Variants in CADPS2 observed in about 807,000 individuals in gnomAD.
CADPS2 encodes calcium-dependent secretion activator 2.
In CADPS2, 93 loss-of-function variants were observed where a neutral mutation model predicts 172.5. That is an observed-to-expected ratio of 0.54 (90% CI 0.46 to 0.64). CADPS2 has a LOEUF of 0.64. CADPS2 is among the 30% of genes least tolerant of loss of function. The pLI, the probability that CADPS2 is intolerant of heterozygous loss-of-function variation, is 0.00. For synonymous variants in CADPS2, 546 were observed against 555.2 expected (o/e 0.98, Z 0.23); for missense variants, 1,420 against 1,565.9 (o/e 0.91, Z 1.57).
At chr7:122,864,329 A>T (rs987019212) in intron 1 of CADPS2, among the ~76,000 whole-genome samples, 2 of 152,030 alleles carry the variant, frequency 1.3e-5, no homozygotes, top group African/African-American at 4.8e-5. Context: ...AAAAAAATAA[A>T]ATTAGCCAGG....
intron 22 of CADPS2, among the ~76,000 whole-genome samples, chr7:122,390,170 G>A (rs1296871589): frequency 2.0e-5 from 3 of 151,890 alleles, no homozygotes; most frequent in South Asian, 4.1e-4. Context: ...GAACACTCCC[G>A]TAGCACTTTA....
chr7:122,877,667 G>C (rs1342084002), intron 1 of CADPS2, among the ~76,000 whole-genome samples: 1 of 151,986 alleles, frequency 6.6e-6, no homozygotes, highest in Non-Finnish European at 1.5e-5. Context: ...TCTATATGAT[G>C]AAACCTTCAA....
At chr7:122,347,000 A>G (rs928418853) in intron 27 of CADPS2, among the ~76,000 whole-genome samples, 1 of 152,314 alleles carries the variant, frequency 6.6e-6, no homozygotes, top group East Asian at 1.9e-4. Context: ...CCAATTTGAT[A>G]GGTAGATCTA....
chr7:122,386,654 T>C (rs1024276173), intron 24 of CADPS2, among the ~76,000 whole-genome samples: 1 of 152,146 alleles, frequency 6.6e-6, no homozygotes, highest in Non-Finnish European at 1.5e-5. Flanking sequence ...TTCACACTTT[T>C]TCGTGTGTCT....
chr7:122,369,200 C>T (rs1363876899), intron 25 of CADPS2, among the ~76,000 whole-genome samples: 4 of 130,158 alleles, frequency 3.1e-5, no homozygotes, highest in South Asian at 5.1e-4. Flanking sequence ...GGCGCAATCT[C>T]GGCTCACTGC....
intron 29 of CADPS2, among the ~76,000 whole-genome samples, chr7:122,324,762 C>G (rs2033459893): frequency 6.6e-6 from 1 of 151,838 alleles, no homozygotes; most frequent in Admixed American, 6.6e-5. Flanking sequence ...AATTTCTGTC[C>G]CAATTTTAAG....
intron 16 of CADPS2, 124 bp from the exon 17 acceptor site, chr7:122,438,588 T>C: frequency 8.7e-7 from 1 of 1,146,494 alleles, no homozygotes; most frequent in Non-Finnish European, 1.2e-6. Flanking sequence ...TTGATCTGAC[T>C]ATTATTAGGG....
chr7:122,472,103 C>T (rs1217019836), intron 13 of CADPS2, among the ~76,000 whole-genome samples: 1 of 152,094 alleles, frequency 6.6e-6, no homozygotes, highest in East Asian at 1.9e-4. Flanking sequence ...AGTTTCTGTT[C>T]CTCCTGAAAT....
chr7:122,602,441 A>T (rs1183214643), intron 6 of CADPS2, among the ~76,000 whole-genome samples: 1 of 152,056 alleles, frequency 6.6e-6, no homozygotes, highest in Admixed American at 6.6e-5. Context: ...GCTATACATA[A>T]GTCACTAGCA....
chr7:122,435,614 G>C (rs1035921173), intron 17 of CADPS2, among the ~76,000 whole-genome samples: 1 of 152,060 alleles, frequency 6.6e-6, no homozygotes, highest in Non-Finnish European at 1.5e-5. Context: ...TAGTATGGAG[G>C]CTTCTGTAAA....
rs191282545 is a variant in CADPS2 at position 122,837,446 on chromosome 7, G to A, written c.339+48553C>T. ...CTAAGATCAGAGCACAACTGAAGGC[G>A]ACAGAGACACAAAAAACCCTTCCAA... On this transcript the variant is annotated intron_variant, in intron 1 of 29. Coordinates refer to ENST00000449022, the MANE Select transcript of CADPS2 (RefSeq NM_017954.11). 1.3e-3 allele frequency among the ~76,000 whole-genome samples: 195 copies of A among 152,194 alleles called. 2 individuals are homozygous for A. Among genetic ancestry groups the A allele is most frequent in the Admixed American group, 0.011 (163 of 15,270 alleles).
chr7:122,356,193 G>C (rs1585224068), intron 27 of CADPS2, among the ~76,000 whole-genome samples: 1 of 152,054 alleles, frequency 6.6e-6, no homozygotes, highest in Non-Finnish European at 1.5e-5. Context: ...GGTCTCCTTG[G>C]ACTCCTCTTG....
intron 9 of CADPS2, among the ~76,000 whole-genome samples, chr7:122,493,491 A>G (rs2058476065): frequency 6.6e-6 from 1 of 152,180 alleles, no homozygotes; most frequent in South Asian, 2.1e-4. Context: ...GTGGATTTAA[A>G]ACTGAAAATT....
intron 17 of CADPS2, chr7:122,420,817 G>C (rs1160140866): frequency 6.6e-6 from 1 of 152,160 alleles, no homozygotes; most frequent in African/African-American, 2.4e-5. Flanking sequence ...CTTTGCTCTG[G>C]AACACTTTTG....
intron 1 of CADPS2, among the ~76,000 whole-genome samples, chr7:122,859,734 C>G (rs1451403229): frequency 6.6e-6 from 1 of 151,996 alleles, no homozygotes; most frequent in Non-Finnish European, 1.5e-5. Context: ...ACGGTATTCT[C>G]CTGTATACTT....
At chr7:122,800,126 T>G (rs561209671) in intron 1 of CADPS2, among the ~76,000 whole-genome samples, 23 of 152,376 alleles carry the variant, frequency 1.5e-4, no homozygotes, top group African/African-American at 5.0e-4. Context: ...ACTAGCAAGT[T>G]CAGTGCCTGG....
chr7:122,519,863 A>ATTT (rs112530002), intron 8 of CADPS2, among the ~76,000 whole-genome samples: 1 of 151,240 alleles, frequency 6.6e-6, no homozygotes, highest in Non-Finnish European at 1.5e-5. Context: ...TGCCTAATTG[A>ATTT]TTTTTTTTTA....
In CADPS2 at chr7:122,388,675, A is replaced by G; in HGVS notation, c.3072T>C (p.Phe1024=). ...ATTCCTGTTCTGGCCAGTGCAGATC[A>G]AAGACAAACATTTGCAGTGCATCAA... ...WKLDALQMFV[F]DLHWPEQEFA... The change falls in exon 23 of 30, where the codon TTT becomes TTC. Residue 1024 remains phenylalanine, a synonymous_variant. Coordinates refer to ENST00000449022, the MANE Select transcript of CADPS2 (RefSeq NM_017954.11). 6.2e-7 allele frequency: 1 copy of G among 1,610,836 alleles called. No individual in the cohort carries two copies. The highest frequency in any genetic ancestry group is 8.5e-7 in the Non-Finnish European group (1 of 1,178,076).
intron 7 of CADPS2, among the ~76,000 whole-genome samples, chr7:122,565,891 T>C (rs1459906716): frequency 6.6e-6 from 1 of 152,212 alleles, no homozygotes; most frequent in East Asian, 1.9e-4. Flanking sequence ...GACTGATTCA[T>C]CTTAACGAAA....
Sources: gnomAD v4.1 joint callset for allele counts (sites outside exome capture counted in the v4.1 genomes callset) on GRCh38, gnomAD v4.1.1 for gene constraint, MANE v1.5 for transcripts, NCBI Gene and HGNC (gene_info 2026-07-23, HGNC 2026-07-21) for gene names.